The following DCDC1 variants were observed in gnomAD, a reference collection of about 807,000 sequenced individuals.
DCDC1 encodes the protein doublecortin domain-containing protein 1.
DCDC1 carries 200 observed loss-of-function variants against 178.3 expected under a neutral mutation model. That is an observed-to-expected ratio of 1.12 (90% CI 1.00 to 1.26). The LOEUF is 1.26. Ranked by LOEUF, DCDC1 falls within the 50% of genes most tolerant of loss-of-function variation. DCDC1 has a pLI of 0.00. For synonymous variants in DCDC1, 690 were observed against 604.8 expected (o/e 1.14, Z -2.07); for missense variants, 1,983 against 1,749.2 (o/e 1.13, Z -2.38).
At chr11:31,218,745 TATATTCTAACTTTTAACTTGA>T (rs999046055) in intron 9 of DCDC1, among the ~76,000 whole-genome samples, 2 of 152,198 alleles carry the variant, frequency 1.3e-5, no homozygotes, top group African/African-American at 4.8e-5. Context: ...ATTTCAAACC[TATATTCTAACTTTTAACTTGA>T]AGCTTTCTAC....
At chr11:31,313,051 A>AAAAAT (rs1948862182) in intron 3 of DCDC1, among the ~76,000 whole-genome samples, 1 of 152,048 alleles carries the variant, frequency 6.6e-6, no homozygotes. Flanking sequence ...GTATAAATTT[A>AAAAAT]AAAATAAAAT....
At chr11:31,250,415 C>CACACATAT (rs1223526182) in intron 8 of DCDC1, among the ~76,000 whole-genome samples, 2 of 73,672 alleles carry the variant, frequency 2.7e-5, no homozygotes, top group African/African-American at 1.0e-4. Flanking sequence ...CACACACACA[C>CACACATAT]ATATACATAT....
intron 17 of DCDC1, among the ~76,000 whole-genome samples, chr11:31,087,243 G>A (rs2135627712): frequency 6.6e-6 from 1 of 151,980 alleles, no homozygotes; most frequent in African/African-American, 2.4e-5. Context: ...GGTAATTTGT[G>A]TCCTCTCTTT....
intron 20 of DCDC1, among the ~76,000 whole-genome samples, chr11:30,963,954 T>C (rs1006265689): frequency 6.6e-6 from 1 of 152,172 alleles, no homozygotes; most frequent in East Asian, 1.9e-4. Flanking sequence ...TAATTCTCAT[T>C]GCTGTTTTCG....
chr11:30,924,171 T>G (rs1946446180), intron 23 of DCDC1, among the ~76,000 whole-genome samples: 1 of 152,160 alleles, frequency 6.6e-6, no homozygotes, highest in African/African-American at 2.4e-5. Context: ...CTACCTTAAA[T>G]TCATTCTCTA....
chr11:31,220,100 T>C (rs1974073146), intron 9 of DCDC1, among the ~76,000 whole-genome samples: 1 of 152,192 alleles, frequency 6.6e-6, no homozygotes, highest in Non-Finnish European at 1.5e-5. Flanking sequence ...TAACCCTATA[T>C]TCTAGGAAGT....
At chr11:31,230,437 G>A (rs958932812) in intron 9 of DCDC1, among the ~76,000 whole-genome samples, 1 of 152,046 alleles carries the variant, frequency 6.6e-6, no homozygotes, top group African/African-American at 2.4e-5. Flanking sequence ...AGGCTGAGGG[G>A]TGGTTCACGC....
At chr11:31,253,166 G>A (rs1414191294) in intron 8 of DCDC1, among the ~76,000 whole-genome samples, 1 of 152,092 alleles carries the variant, frequency 6.6e-6, no homozygotes, top group Admixed American at 6.6e-5. Context: ...GTAATTCATT[G>A]CAAATGTAAT....
At position 31,024,382 on chromosome 11, in the gene DCDC1, AACTCAC is replaced by A. The variant is rs143725412; in HGVS notation, c.2591+40081_2591+40086del. On this transcript the variant is annotated intron_variant, in intron 20 of 38. Transcript: ENST00000684477. ...TTAGAAACAAAGGATATAGTTTCCAAACTCACACTCACAATCTTAAGGAACAAAGAC... is the reference window on the plus strand; with the variant it reads ...TTAGAAACAAAGGATATAGTTTCCAAACTCACAATCTTAAGGAACAAAGAC... Among the ~76,000 whole-genome samples the A allele has an allele frequency of 5.4e-3, 824 of 152,034 alleles. 3 individuals carry two copies. The highest frequency in any genetic ancestry group is 8.6e-3 in the Admixed American group (131 of 15,252).
At chr11:31,342,062 A>G (rs1345909329) in intron 1 of DCDC1, among the ~76,000 whole-genome samples, 1 of 152,202 alleles carries the variant, frequency 6.6e-6, no homozygotes. Context: ...TAGTACCAGC[A>G]GCACCAACAG....
intron 11 of DCDC1, among the ~76,000 whole-genome samples, chr11:31,118,613 G>A (rs999568900): frequency 6.6e-6 from 1 of 152,164 alleles, no homozygotes; most frequent in African/African-American, 2.4e-5. Context: ...AGCTAATTGA[G>A]AGGTAAAAAC....
At chr11:30,941,606 A>G (rs112480742) in intron 21 of DCDC1, among the ~76,000 whole-genome samples, 361 of 152,288 alleles carry the variant, frequency 2.4e-3, no homozygotes, top group African/African-American at 8.2e-3. Flanking sequence ...GTAATTTTCT[A>G]AATTTTAAAA....
intron 15 of DCDC1, among the ~76,000 whole-genome samples, chr11:31,096,223 A>T (rs1258846100): frequency 6.6e-6 from 1 of 152,226 alleles, no homozygotes; most frequent in Admixed American, 6.5e-5. Flanking sequence ...ACCTAAGCAG[A>T]TTTGACTTAT....
chr11:30,988,958 G>C (rs1057047865), intron 20 of DCDC1, among the ~76,000 whole-genome samples: 1 of 152,140 alleles, frequency 6.6e-6, no homozygotes, highest in African/African-American at 2.4e-5. Context: ...CATGAAAATG[G>C]ATCTATGAAT....
chr11:31,108,611 A>G (rs957590899), intron 12 of DCDC1, among the ~76,000 whole-genome samples: 5 of 152,228 alleles, frequency 3.3e-5, no homozygotes, highest in African/African-American at 7.2e-5. Flanking sequence ...TACAAAGAAG[A>G]GGGATGCGAG....
intron 9 of DCDC1, among the ~76,000 whole-genome samples, chr11:31,202,435 G>T (rs932919827): frequency 1.3e-5 from 2 of 152,044 alleles, no homozygotes; most frequent in African/African-American, 4.8e-5. Context: ...GTTGACTGTG[G>T]TGGCATTTGC....
At chr11:31,341,818 C>CACACACAA (rs1462790435) in intron 1 of DCDC1, among the ~76,000 whole-genome samples, 4 of 151,184 alleles carry the variant, frequency 2.6e-5, no homozygotes, top group Non-Finnish European at 4.4e-5. Flanking sequence ...ACTATACACA[C>CACACACAA]ACACACACAC....
Position 31,064,473 on chromosome 11 carries a change from G to A in DCDC1, c.2587C>T (p.Gln863Ter). 1 of 765,194 alleles carries A rather than the reference G, an allele frequency of 1.3e-6. No homozygotes were observed. Among genetic ancestry groups the A allele is most frequent in the Non-Finnish European group, 2.4e-6 (1 of 417,122 alleles). The allele number at this position is 765,194 out of a possible 1,614,324, so 47.4% of individuals were successfully genotyped here. A position where few individuals can be genotyped will look rare whatever the true frequency, so the allele number is the denominator to read the frequency against. The change falls in exon 20 of 39, where the codon CAG becomes TAG. Residue 863 changes from glutamine (Q) to a stop codon, truncating the protein, a stop_gained. Transcript: ENST00000684477. LOFTEE classifies it high-confidence loss of function. The stretch of plus-strand genomic sequence containing the variant: ...TCAGTTCTGTCAGTACCCTACCTCT[G>A]AGCAGAAGCCTTAGGATGTTTCTCT... ...LEEKHPKASA[Q>*]RWAIKHEGTS...
At chr11:30,944,005 T>A (rs968563638) in intron 21 of DCDC1, 2 of 251,952 alleles carry the variant, frequency 7.9e-6, no homozygotes, top group Admixed American at 5.0e-5. Context: ...ACAGGAGAAT[T>A]GGAGTCTCAC....
Sources: gnomAD v4.1 joint callset for allele counts (sites outside exome capture counted in the v4.1 genomes callset) on GRCh38, gnomAD v4.1.1 for gene constraint, MANE v1.5 for transcripts, NCBI Gene and HGNC (gene_info 2026-07-23, HGNC 2026-07-21) for gene names.